The following NME7 variants were observed in gnomAD, a reference collection of about 807,000 sequenced individuals.
NME7 encodes the protein nucleoside diphosphate kinase 7.
NME7 carries 41 observed loss-of-function variants against 49.1 expected under a neutral mutation model. The observed-to-expected ratio is 0.83, with a 90% CI of 0.65 to 1.08. The LOEUF (loss-of-function observed/expected upper bound fraction) is 1.08. Ranked by LOEUF, NME7 falls within the 50% of genes least tolerant of loss-of-function variation. NME7 has a pLI of 0.00. For missense variants in NME7, 423 were observed against 463.4 expected (o/e 0.91, Z 0.80); for synonymous variants, 139 against 150.6 (o/e 0.92, Z 0.56).
At chr1:169,275,131 C>G (rs1366791116) in intron 7 of NME7, among the ~76,000 whole-genome samples, 1 of 132,204 alleles carries the variant, frequency 7.6e-6, no homozygotes, top group East Asian at 2.0e-4. Context: ...TTTGTATCCT[C>G]TTTTATTTCA....
chr1:169,203,538 G>A (rs1285000806), intron 10 of NME7, among the ~76,000 whole-genome samples: 1 of 152,116 alleles, frequency 6.6e-6, no homozygotes, highest in East Asian at 1.9e-4. Flanking sequence ...ACATTTGAAT[G>A]TATTACAATT....
chr1:169,178,543 G>A (rs542590773), intron 10 of NME7, among the ~76,000 whole-genome samples: 1 of 152,134 alleles, frequency 6.6e-6, no homozygotes, highest in South Asian at 2.1e-4. Flanking sequence ...CTGACTTAAG[G>A]CCCTGCAACA....
intron 6 of NME7, among the ~76,000 whole-genome samples, chr1:169,293,665 T>C (rs1254487398): frequency 2.0e-5 from 3 of 152,148 alleles, no homozygotes; most frequent in African/African-American, 7.2e-5. Flanking sequence ...TCTTCAAAAC[T>C]GTCTTAACTG....
chr1:169,260,072 T>C (rs1336584928), intron 7 of NME7, among the ~76,000 whole-genome samples: 1 of 133,802 alleles, frequency 7.5e-6, no homozygotes, highest in Admixed American at 7.3e-5. Flanking sequence ...GTACGTATGC[T>C]AAGTGTTAAA....
chr1:169,189,666 C>G (rs1200079), intron 10 of NME7, among the ~76,000 whole-genome samples: 120,090 of 152,014 alleles, frequency 0.79, 47,643 homozygotes, highest in East Asian at 0.94. Context: ...TCTGAGTACA[C>G]TATGCTTAAC....
At chr1:169,210,477 G>A (rs368508174) in intron 10 of NME7, among the ~76,000 whole-genome samples, 8 of 152,114 alleles carry the variant, frequency 5.3e-5, no homozygotes, top group East Asian at 1.9e-4. Context: ...TTGGTGCCCC[G>A]TGGGGGTTGG....
chr1:169,322,185 C>CA (rs1558038282), intron 3 of NME7: 1 of 152,178 alleles, frequency 6.6e-6, no homozygotes, highest in Non-Finnish European at 1.5e-5. Flanking sequence ...GCTGTATCTA[C>CA]AAGTTGTTCT....
chr1:169,319,791 C>T lies in NME7; in HGVS notation c.278+3326G>A, dbSNP rs6685857. ...AACATCTACTATAATGTTGTTCACC[C>T]AACCTACTGATGCCTTTCTCCCTTT... is the stretch of plus-strand genomic sequence containing the variant. On this transcript the variant is annotated intron_variant, in intron 3 of 11. Coordinates refer to ENST00000367811, the MANE Select transcript of NME7 (RefSeq NM_013330.5). Among the ~76,000 whole-genome samples the T allele has an allele frequency of 6.5e-3, 984 of 152,276 alleles. 14 individuals are homozygous for T. The highest frequency in any genetic ancestry group is 0.022 in the African/African-American group (922 of 41,548).
chr1:169,247,547 A>C (rs755352231), intron 7 of NME7, among the ~76,000 whole-genome samples: 47 of 152,112 alleles, frequency 3.1e-4, no homozygotes, highest in Non-Finnish European at 6.2e-4. Context: ...GATGAATTAT[A>C]TAGTGGTGAA....
At chr1:169,302,884 TAA>T (rs948569637) in intron 5 of NME7, among the ~76,000 whole-genome samples, 4 of 152,238 alleles carry the variant, frequency 2.6e-5, no homozygotes, top group Non-Finnish European at 5.9e-5. Context: ...CCAAAAATTT[TAA>T]AAGTTATCCT....
At chr1:169,145,739 T>C (rs1478985947) in intron 11 of NME7, among the ~76,000 whole-genome samples, 2 of 152,292 alleles carry the variant, frequency 1.3e-5, no homozygotes, top group Non-Finnish European at 2.9e-5. Context: ...TCACAATGTA[T>C]GTTGACCCGA....
chr1:169,289,467 G>A (rs1650409188), intron 6 of NME7, among the ~76,000 whole-genome samples: 1 of 152,128 alleles, frequency 6.6e-6, no homozygotes, highest in South Asian at 2.1e-4. Flanking sequence ...ATGAGACTCA[G>A]AAAGCTTAAG....
At position 169,214,438 on chromosome 1, in the gene NME7, T is replaced by G. The variant is rs1300239190; in HGVS notation, c.990+16280A>C. ...GATTTCAAAACCATGAAGGCTTTTG[T>G]TTGAATTTTTGCCATTTCAAAAAAT... On this transcript the variant is annotated intron_variant, in intron 10 of 11. Coordinates refer to ENST00000367811, the MANE Select transcript of NME7 (RefSeq NM_013330.5). Among the ~76,000 whole-genome samples, 6 of 152,330 alleles carry G rather than the reference T, an allele frequency of 3.9e-5. No homozygotes were observed. In the East Asian group the frequency reaches 1.2e-3, roughly 29 times the overall value.
At chr1:169,255,081 C>T (rs1356171450) in intron 7 of NME7, among the ~76,000 whole-genome samples, 17 of 136,326 alleles carry the variant, frequency 1.2e-4, no homozygotes, top group African/African-American at 2.3e-4. Context: ...CTATTAGGTC[C>T]GCTTGGTGCA....
intron 11 of NME7, among the ~76,000 whole-genome samples, chr1:169,167,200 T>A (rs903006640): frequency 2.0e-4 from 26 of 129,284 alleles, no homozygotes; most frequent in African/African-American, 6.8e-4. Flanking sequence ...AAATAAATTG[T>A]TTATTATTAA....
intron 10 of NME7, among the ~76,000 whole-genome samples, chr1:169,213,471 TC>T (rs1660889684): frequency 6.6e-6 from 1 of 152,176 alleles, no homozygotes; most frequent in Non-Finnish European, 1.5e-5. Flanking sequence ...TTTGCCAACC[TC>T]ACTGGTTTAA....
intron 10 of NME7, among the ~76,000 whole-genome samples, chr1:169,188,688 G>A (rs1353058707): frequency 1.3e-5 from 2 of 152,160 alleles, no homozygotes; most frequent in Non-Finnish European, 2.9e-5. Flanking sequence ...ATAGAAGATT[G>A]CTTAAGGGAA....
intron 5 of NME7, among the ~76,000 whole-genome samples, chr1:169,301,610 C>T (rs1268899019): frequency 2.0e-5 from 3 of 152,088 alleles, no homozygotes; most frequent in Admixed American, 1.3e-4. Context: ...CAAAAAGACA[C>T]ATGCCCTCAT....
At chr1:169,194,430 TGA>T (rs1660314921) in intron 10 of NME7, among the ~76,000 whole-genome samples, 1 of 152,214 alleles carries the variant, frequency 6.6e-6, no homozygotes, top group African/African-American at 2.4e-5. Context: ...TCTGACTTTC[TGA>T]GAGATCAGGA....
Sources: gnomAD v4.1 joint callset for allele counts (sites outside exome capture counted in the v4.1 genomes callset) on GRCh38, gnomAD v4.1.1 for gene constraint, MANE v1.5 for transcripts, NCBI Gene and HGNC (gene_info 2026-07-23, HGNC 2026-07-21) for gene names.